The following R3HDM1 variants were observed in gnomAD, a reference collection of about 807,000 sequenced individuals.
The protein encoded by R3HDM1 is R3H domain containing 1, also known as R3H domain-containing protein 1.
A neutral mutation model predicts 141.1 loss-of-function variants in R3HDM1; 46 were observed. That is an observed-to-expected ratio of 0.33 (90% CI 0.26 to 0.42). The LOEUF (loss-of-function observed/expected upper bound fraction) is 0.42, where lower values mean the gene tolerates loss of function less well. Ranked by LOEUF, R3HDM1 falls within the 10% of genes least tolerant of loss-of-function variation. The probability of loss-of-function intolerance (pLI) is 1.00; values close to 1 mark genes in which losing one functional copy is unlikely to be tolerated. For missense variants in R3HDM1, 1,184 were observed against 1,368.3 expected (o/e 0.87, Z 2.12); for synonymous variants, 435 against 472.9 (o/e 0.92, Z 1.04).
intron 19 of R3HDM1, among the ~76,000 whole-genome samples, chr2:135,663,542 G>C (rs2067040140): frequency 6.6e-6 from 1 of 152,162 alleles, no homozygotes; most frequent in Admixed American, 6.5e-5. Flanking sequence ...AAAAGAGAAA[G>C]GAATTTTGTT....
At chr2:135,712,021 T>C (rs2075704009) in intron 23 of R3HDM1, among the ~76,000 whole-genome samples, 1 of 148,890 alleles carries the variant, frequency 6.7e-6, no homozygotes, top group African/African-American at 2.5e-5. Flanking sequence ...GTTTGTATAC[T>C]GAAATATTTA....
At chr2:135,572,080 C>T (rs1048109111) in intron 1 of R3HDM1, among the ~76,000 whole-genome samples, 1 of 152,170 alleles carries the variant, frequency 6.6e-6, no homozygotes, top group African/African-American at 2.4e-5. Flanking sequence ...CTTGGCTTCT[C>T]CCAGGTGGCT....
chr2:135,597,211 G>C, intron 1 of R3HDM1: 1 of 974,998 alleles, frequency 1.0e-6, no homozygotes, highest in Non-Finnish European at 1.2e-6. Context: ...ATATTTGTTG[G>C]TAAGTGTCAT....
intron 1 of R3HDM1, chr2:135,531,864 G>C: frequency 1.0e-6 from 1 of 984,438 alleles, no homozygotes; most frequent in Non-Finnish European, 1.2e-6. Context: ...AGCCAGGCTC[G>C]CCTGGCCCGC....
intron 1 of R3HDM1, among the ~76,000 whole-genome samples, chr2:135,541,122 T>C (rs2104894856): frequency 6.6e-6 from 1 of 152,304 alleles, no homozygotes; most frequent in South Asian, 2.1e-4. Flanking sequence ...AGAGTACTTT[T>C]AGCATAGTTC....
At chr2:135,537,369 T>A (rs183771150) in intron 1 of R3HDM1, among the ~76,000 whole-genome samples, 59 of 128,062 alleles carry the variant, frequency 4.6e-4, no homozygotes, top group Admixed American at 7.6e-4. Context: ...TACTGCAACC[T>A]CCACCTCCCA....
intron 19 of R3HDM1, chr2:135,667,712 A>G (rs760140952): frequency 2.0e-6 from 2 of 979,992 alleles, no homozygotes; most frequent in Non-Finnish European, 2.4e-6. Flanking sequence ...TTCATTCTCT[A>G]GAAATCTACT....
intron 21 of R3HDM1, among the ~76,000 whole-genome samples, chr2:135,681,982 G>A (rs984222600): frequency 6.6e-6 from 1 of 150,948 alleles, no homozygotes; most frequent in South Asian, 2.1e-4. Flanking sequence ...GTTAAATTTC[G>A]CATTTGTTGT....
chr2:135,661,417 A>G (rs1559373053), intron 19 of R3HDM1, 24 bp downstream of exon 19: 1 of 1,611,956 alleles, frequency 6.2e-7, no homozygotes. Context: ...CTTATGTCAT[A>G]ACTTCTGAGC....
intron 24 of R3HDM1, among the ~76,000 whole-genome samples, 163 bp downstream of exon 24, chr2:135,715,857 T>A (rs2105453868): frequency 6.6e-6 from 1 of 152,340 alleles, no homozygotes; most frequent in Non-Finnish European, 1.5e-5. Flanking sequence ...CTCCTAACCT[T>A]AATGTATCAT....
intron 1 of R3HDM1, among the ~76,000 whole-genome samples, chr2:135,532,794 C>T (rs1695206102): frequency 6.6e-6 from 1 of 152,144 alleles, no homozygotes; most frequent in African/African-American, 2.4e-5. Flanking sequence ...GCATATTTGG[C>T]TATTTTTAGG....
At chr2:135,573,394 T>TA (rs1190548116) in intron 1 of R3HDM1, among the ~76,000 whole-genome samples, 3 of 152,186 alleles carry the variant, frequency 2.0e-5, no homozygotes, top group Admixed American at 1.3e-4. Flanking sequence ...GATCTCTTCA[T>TA]ACTCCCATTC....
In R3HDM1 at chr2:135,605,035, C is replaced by T; in HGVS notation, c.171+19C>T. ...TTTGCAGGTAAACAGGAATTTTTCT[C>T]TGGCTACAAATACTAAATATTCAGT... is the stretch of plus-strand genomic sequence containing the variant. On this transcript the variant is annotated intron_variant, in intron 3 of 26. Coordinates refer to ENST00000683871, the MANE Select transcript of R3HDM1 (RefSeq NM_001378107.1). 1 of 1,521,120 alleles carries T rather than the reference C, an allele frequency of 6.6e-7. No homozygotes were observed. Among genetic ancestry groups the T allele is most frequent in the Non-Finnish European group, 9.0e-7 (1 of 1,106,450 alleles). 94.2% of individuals were successfully genotyped at this position (1,521,120 alleles called of 1,614,324 possible). A position where few individuals can be genotyped will look rare whatever the true frequency, so the allele number is the denominator to read the frequency against.
intron 1 of R3HDM1, among the ~76,000 whole-genome samples, chr2:135,566,274 G>C (rs1024479059): frequency 2.0e-5 from 3 of 152,128 alleles, no homozygotes; most frequent in African/African-American, 7.2e-5. Flanking sequence ...TTTGAGGGGG[G>C]AAGCAAGGGA....
chr2:135,594,994 A>T (rs148197165), intron 1 of R3HDM1, among the ~76,000 whole-genome samples: 1 of 146,328 alleles, frequency 6.8e-6, no homozygotes, highest in African/African-American at 2.6e-5. Flanking sequence ...CCCCTTTTCA[A>T]TGAAGGCTTG....
At chr2:135,689,687 TATC>T (rs1235964250) in intron 21 of R3HDM1, among the ~76,000 whole-genome samples, 2 of 152,204 alleles carry the variant, frequency 1.3e-5, no homozygotes, top group Non-Finnish European at 2.9e-5. Context: ...TGTTGTTACT[TATC>T]ATTATGAAGA....
intron 21 of R3HDM1, among the ~76,000 whole-genome samples, chr2:135,704,771 T>G (rs1428822440): frequency 6.6e-6 from 1 of 152,220 alleles, no homozygotes; most frequent in East Asian, 1.9e-4. Context: ...TTACAGAGTT[T>G]TAATGTAGCT....
At chr2:135,537,406 C>A (rs980704311) in intron 1 of R3HDM1, among the ~76,000 whole-genome samples, 5 of 149,828 alleles carry the variant, frequency 3.3e-5, no homozygotes, top group East Asian at 2.0e-4. Flanking sequence ...CTTCCTCAGC[C>A]CCCCCAAGTA....
intron 5 of R3HDM1, among the ~76,000 whole-genome samples, chr2:135,617,692 A>G (rs905986813): frequency 1.3e-5 from 2 of 152,198 alleles, no homozygotes; most frequent in African/African-American, 4.8e-5. Flanking sequence ...TTACATCTGT[A>G]TATTTATGCA....
Sources: gnomAD v4.1 joint callset for allele counts (sites outside exome capture counted in the v4.1 genomes callset) on GRCh38, gnomAD v4.1.1 for gene constraint, MANE v1.5 for transcripts, NCBI Gene and HGNC (gene_info 2026-07-23, HGNC 2026-07-21) for gene names.